The following ADAMTS14 variants were observed in gnomAD, a reference collection of about 807,000 sequenced individuals.
ADAMTS14 encodes the protein A disintegrin and metalloproteinase with thrombospondin motifs 14.
A neutral mutation model predicts 128.6 loss-of-function variants in ADAMTS14; 100 were observed. That is an observed-to-expected ratio of 0.78 (90% CI 0.66 to 0.92). The LOEUF is 0.92. ADAMTS14 is among the 40% of genes least tolerant of loss of function. The probability of loss-of-function intolerance (pLI) is 0.00; values close to 1 mark genes in which losing one functional copy is unlikely to be tolerated. For missense variants in ADAMTS14, 1,562 were observed against 1,658.6 expected, an observed-to-expected ratio of 0.94 and a Z score of 1.01; for synonymous variants, 665 against 653.8, an observed-to-expected ratio of 1.02 and a Z score of -0.26.
intron 4 of ADAMTS14, among the ~76,000 whole-genome samples, chr10:70,721,019 CTTTTTTT>C (rs56656736): frequency 6.8e-3 from 573 of 84,398 alleles, no homozygotes; most frequent in African/African-American, 0.02. Context: ...TCTCTTTTTT[CTTTTTTT>C]TTTTTTTTTT....
At position 70,751,487 on chromosome 10, in the gene ADAMTS14, C is replaced by A. The variant is rs528095489; in HGVS notation, c.2437C>A (p.Pro813Thr). The A allele has an allele frequency of 1.2e-5, 19 of 1,604,982 alleles. No individual in the cohort carries two copies. The highest frequency in any genetic ancestry group is 7.7e-5 in the South Asian group (7 of 90,858). ...PEAIAILALP[P>T]TEGGPRSSLA... Reference sequence around the variant, plus strand: ...CCCCATCTCCCCTCAGGCTCTCCCCCCAACTGAGGGTGGCCCCCGCAGCAG... The same window carrying A: ...CCCCATCTCCCCTCAGGCTCTCCCCACAACTGAGGGTGGCCCCCGCAGCAG... Residue 813 changes from proline (P) to threonine (T), a missense_variant, in exon 17 of 22, where the codon CCA becomes ACA. Pro to Thr is a conservative substitution (Grantham distance 38). Coordinates refer to ENST00000373207, the MANE Select transcript of ADAMTS14 (RefSeq NM_080722.4).
intron 2 of ADAMTS14, 152 bp from the exon 3 acceptor site, chr10:70,702,160 C>A: frequency 8.5e-7 from 1 of 1,181,598 alleles, no homozygotes; most frequent in Admixed American, 2.5e-5. Context: ...ATAGAACATC[C>A]TGGAATCCCA....
At chr10:70,710,940 G>C (rs2132620012) in intron 4 of ADAMTS14, among the ~76,000 whole-genome samples, 1 of 152,318 alleles carries the variant, frequency 6.6e-6, no homozygotes, top group Non-Finnish European at 1.5e-5. Flanking sequence ...CGCTGCCTGG[G>C]TCCATAATCT....
Position 70,733,888 on chromosome 10 carries a change from C to T in ADAMTS14, c.1212C>T (p.Leu404=), listed in dbSNP as rs140597250. The T allele has an allele frequency of 1.0e-4, 169 of 1,611,422 alleles. No individual in the cohort carries two copies. Among genetic ancestry groups the T allele is most frequent in the Middle Eastern group, 5.0e-4 (3 of 6,052 alleles). ...TCCTCTGTCTTCCCCATTCCAGGCT[C>T]GGCATGGAGCATGACGGTCAGGGGA... The part of the protein sequence containing the change: ...FVIAHETGHV[L]GMEHDGQGNG... The change falls in exon 8 of 22, where the codon CTC becomes CTT. Residue 404 remains leucine, a synonymous_variant. Coordinates refer to ENST00000373207, the MANE Select transcript of ADAMTS14 (RefSeq NM_080722.4).
At position 70,694,694 on chromosome 10, in the gene ADAMTS14, T is replaced by C. The variant is rs1383006823; in HGVS notation, c.523-7618T>C. Among the ~76,000 whole-genome samples the C allele has an allele frequency of 4.6e-5, 7 of 152,228 alleles. No homozygotes were observed. In the East Asian group the frequency reaches 1.3e-3, roughly 29 times the overall value. ...GCATATTTTCAAGATTCATCCATCA[T>C]GTAGCATTTACCAGTACTTCATTCC... is the stretch of plus-strand genomic sequence containing the variant. On this transcript the variant is annotated intron_variant, in intron 2 of 21. Coordinates refer to ENST00000373207, the MANE Select transcript of ADAMTS14 (RefSeq NM_080722.4).
chr10:70,718,443 A>G (rs893770663), intron 4 of ADAMTS14, among the ~76,000 whole-genome samples: 5 of 152,146 alleles, frequency 3.3e-5, no homozygotes, highest in South Asian at 2.1e-4. Context: ...GCTGGAGTGC[A>G]GTGGTGCGAT....
At chr10:70,750,099 CAAGGG>C in intron 16 of ADAMTS14, 114 bp downstream of exon 16, 1 of 1,372,844 alleles carries the variant, frequency 7.3e-7, no homozygotes, top group Non-Finnish European at 9.9e-7. Context: ...GGAGCCTGGG[CAAGGG>C]CAAGGCACCT....
rs1238529487 is a variant in ADAMTS14 at position 70,741,169 on chromosome 10, G to A, written c.1924+7G>A. On this transcript the variant is annotated splice_region_variant and intron_variant, in intron 12 of 21. Transcript: ENST00000373207. Reference sequence around the variant, plus strand: ...CCCTACGAGCCTGACGATGGTGAGTGGGCCCCACCCCCCTCCCACTCCATG... The same window carrying A: ...CCCTACGAGCCTGACGATGGTGAGTAGGCCCCACCCCCCTCCCACTCCATG... The A allele has an allele frequency of 1.2e-6, 2 of 1,611,266 alleles. No homozygotes were observed. Among genetic ancestry groups the A allele is most frequent in the Non-Finnish European group, 1.7e-6 (2 of 1,178,560 alleles).
rs1841978058 is a variant in ADAMTS14, at chr10:70,740,984, C to T, written c.1749-3C>T. On this transcript the variant is annotated splice_polypyrimidine_tract_variant and splice_region_variant and intron_variant, in intron 11 of 21. Transcript: ENST00000373207. ...GTCATCCATTTCTCTGTGTCTGTCC[C>T]AGCCCAGCCTATGGAGGCCGCCTGT... The T allele has an allele frequency of 6.2e-7, 1 of 1,613,682 alleles. No homozygotes were observed. The highest frequency in any genetic ancestry group is 1.3e-5 in the African/African-American group (1 of 74,924).
At chr10:70,680,098 A>G (rs1490929780) in intron 2 of ADAMTS14, among the ~76,000 whole-genome samples, 1 of 152,224 alleles carries the variant, frequency 6.6e-6, no homozygotes, top group Non-Finnish European at 1.5e-5. Context: ...ATGGTATGTT[A>G]TATCTCAATA....
chr10:70,757,180 C>T (rs1381428599), intron 19 of ADAMTS14, among the ~76,000 whole-genome samples: 1 of 152,128 alleles, frequency 6.6e-6, no homozygotes, highest in Non-Finnish European at 1.5e-5. Flanking sequence ...TTGAGGACCT[C>T]CACATTCCCT....
intron 2 of ADAMTS14, among the ~76,000 whole-genome samples, chr10:70,693,454 C>T (rs930925386): frequency 8.5e-5 from 13 of 152,184 alleles, no homozygotes; most frequent in African/African-American, 3.1e-4. Flanking sequence ...ATGAGAATCA[C>T]GGCCGCAGAT....
At chr10:70,720,461 T>C (rs74139890) in intron 4 of ADAMTS14, among the ~76,000 whole-genome samples, 14 of 152,292 alleles carry the variant, frequency 9.2e-5, no homozygotes, top group African/African-American at 3.4e-4. Context: ...TCATGGAGCC[T>C]TAGATTTGAT....
chr10:70,746,192 G>T (rs542018074), intron 15 of ADAMTS14, among the ~76,000 whole-genome samples: 149 of 152,320 alleles, frequency 9.8e-4, no homozygotes, highest in African/African-American at 3.4e-3. Flanking sequence ...GCCACTAAAT[G>T]AGGTGACACC....
chr10:70,697,701 G>A (rs1309310014), intron 2 of ADAMTS14, among the ~76,000 whole-genome samples: 1 of 152,170 alleles, frequency 6.6e-6, no homozygotes, highest in Non-Finnish European at 1.5e-5. Context: ...GACACAAGGT[G>A]ATTTCTAAGC....
At position 70,743,629 on chromosome 10, in the gene ADAMTS14, C is replaced by T. The variant is rs768574706; in HGVS notation, c.2006C>T (p.Thr669Ile). The change falls in exon 13 of 22, where the codon ACA (threonine) becomes ATA (isoleucine). Residue 669 changes from threonine (T) to isoleucine (I), a missense_variant. By Grantham distance (89) the Thr-to-Ile change is moderately conservative. Coordinates refer to ENST00000373207, the MANE Select transcript of ADAMTS14 (RefSeq NM_080722.4). ...ATGAACCAGGTGGTTCACGATGGGACACGCTGCAGCTACCGGGACCCATAC... is the reference window on the plus strand; with the variant it reads ...ATGAACCAGGTGGTTCACGATGGGATACGCTGCAGCTACCGGGACCCATAC... ...VFMNQVVHDGTRCSYRDPYSV... is the reference protein window; with the variant it reads ...VFMNQVVHDGIRCSYRDPYSV... 4 of 1,611,870 alleles carry T rather than the reference C, an allele frequency of 2.5e-6. No homozygotes were observed. In the South Asian group the frequency reaches 3.3e-5, roughly 13 times the overall value.
intron 3 of ADAMTS14, among the ~76,000 whole-genome samples, chr10:70,706,963 TAAAC>T (rs1345807386): frequency 1.3e-5 from 2 of 152,278 alleles, no homozygotes; most frequent in Admixed American, 6.5e-5. Context: ...ATGTGTAAAA[TAAAC>T]AATCACAATG....
chr10:70,726,750 C>T (rs895877333), intron 4 of ADAMTS14, among the ~76,000 whole-genome samples: 2 of 152,134 alleles, frequency 1.3e-5, no homozygotes, highest in Non-Finnish European at 2.9e-5. Context: ...CACCAGGGAG[C>T]CTATGTGTGT....
rs546591372 is a variant in ADAMTS14, at chr10:70,674,484, G to A, written c.83-72G>A. 3.5e-5 allele frequency: 52 copies of A among 1,479,342 alleles called. No homozygotes were observed. In the Admixed American group the frequency reaches 3.8e-4, roughly 11 times the overall value. 91.6% of individuals were successfully genotyped at this position (1,479,342 alleles called of 1,614,324 possible). ...TGAGAGTTCCTATCCCTCCCTGCCC[G>A]CGTGGGATTTCTGACTTCCCCTTAC... On this transcript the variant is annotated intron_variant, in intron 1 of 21. Transcript: ENST00000373207.
Sources: gnomAD v4.1 joint callset for allele counts (sites outside exome capture counted in the v4.1 genomes callset) on GRCh38, gnomAD v4.1.1 for gene constraint, MANE v1.5 for transcripts, NCBI Gene and HGNC (gene_info 2026-07-23, HGNC 2026-07-21) for gene names.